DCUN1D5: variants seen among roughly 807,000 people sequenced by gnomAD.
The protein encoded by DCUN1D5 is defective in cullin neddylation 1 domain containing 5.
DCUN1D5 carries 10 observed loss-of-function variants against 38.3 expected under a neutral mutation model. That is an observed-to-expected ratio of 0.26 (90% CI 0.16 to 0.44). The LOEUF (loss-of-function observed/expected upper bound fraction) is 0.44. Ranked by LOEUF, DCUN1D5 falls within the 20% of genes least tolerant of loss-of-function variation. The pLI is 1.00. For synonymous variants in DCUN1D5, 93 were observed against 90.9 expected (o/e 1.02, Z -0.13); for missense variants, 148 against 275.3 (o/e 0.54, Z 3.27).
intron 4 of DCUN1D5, among the ~76,000 whole-genome samples, chr11:103,081,974 A>T (rs997984393): frequency 2.6e-5 from 4 of 152,254 alleles, no homozygotes; most frequent in Admixed American, 6.5e-5. Context: ...CAGCTAATTA[A>T]GCCCCAGTTT....
chr11:103,087,722 A>G lies in DCUN1D5; in HGVS notation c.178+1505T>C, dbSNP rs1267527742. Among the ~76,000 whole-genome samples the G allele has an allele frequency of 6.6e-6, 1 of 152,206 alleles. No individual in the cohort carries two copies. On this transcript the variant is annotated intron_variant, in intron 2 of 7. Transcript: ENST00000260247. The surrounding 1 kb of genome is among the most constrained non-coding windows in gnomAD (Gnocchi z 4.1). Reference sequence around the variant, plus strand: ...TAGAACAGTCACAAGAAAAAATAATATACCTGGGACAATTCCTGGAATAAT... The same window carrying G: ...TAGAACAGTCACAAGAAAAAATAATGTACCTGGGACAATTCCTGGAATAAT...
chr11:103,089,116 G>A, intron 2 of DCUN1D5, 111 bp downstream of exon 2: 1 of 1,080,816 alleles, frequency 9.3e-7, no homozygotes, highest in South Asian at 1.7e-5. Flanking sequence ...CCTCATCCCA[G>A]TACACAGCAC....
At position 103,050,791 on chromosome 11, in the gene DCUN1D5, C is replaced by T. The variant is rs1359158860; in HGVS notation, c.*11568G>A. 1 of 152,064 alleles carries T rather than the reference C, an allele frequency of 6.6e-6. No individual in the cohort carries two copies. The highest frequency in any genetic ancestry group is 1.5e-5 in the Non-Finnish European group (1 of 67,992). 9.4% of individuals were successfully genotyped at this position (152,064 alleles called of 1,614,324 possible). Reference sequence around the variant, plus strand: ...GTTCTGAGTACTGGTGAAATAAAAGCAAAAACACACAGTCCCTGCTCTCAA... The same window carrying T: ...GTTCTGAGTACTGGTGAAATAAAAGTAAAAACACACAGTCCCTGCTCTCAA... On this transcript the variant is annotated 3_prime_UTR_variant, in exon 8 of 8. Coordinates refer to ENST00000260247, the MANE Select transcript of DCUN1D5 (RefSeq NM_032299.4).
At chr11:103,075,808 T>A (rs1276069334) in intron 4 of DCUN1D5, among the ~76,000 whole-genome samples, 1 of 152,232 alleles carries the variant, frequency 6.6e-6, no homozygotes, top group Non-Finnish European at 1.5e-5. Context: ...TCCTTATATA[T>A]GAATGAATGC....
rs1220855501 is a variant in DCUN1D5, at chr11:103,061,549, T to C, written c.*810A>G. Among the ~76,000 whole-genome samples the C allele has an allele frequency of 1.3e-5, 2 of 150,810 alleles. No homozygotes were observed. Among genetic ancestry groups the C allele is most frequent in the Non-Finnish European group, 2.9e-5 (2 of 67,842 alleles). On this transcript the variant is annotated 3_prime_UTR_variant, in exon 8 of 8. Transcript: ENST00000260247. ...TCCTTATTCTATTGTCTTCTTTTCC[T>C]ATGTGTATCTTAATTAAATCCATAT... is the stretch of plus-strand genomic sequence containing the variant.
rs1213721842 is a variant in DCUN1D5 at position 103,053,086 on chromosome 11, A to G, written c.*9273T>C. ...TACTTAATTAAAAAAAAACTGATTT[A>G]AGAGACTCAATGTAATAAGACATCA... On this transcript the variant is annotated 3_prime_UTR_variant, in exon 8 of 8. Coordinates refer to ENST00000260247, the MANE Select transcript of DCUN1D5 (RefSeq NM_032299.4). This position sits in a 1 kb window ranked among gnomAD's most constrained non-coding sequence, Gnocchi z 4.8. 1 of 152,104 alleles carries G rather than the reference A, an allele frequency of 6.6e-6. No individual in the cohort carries two copies. The highest frequency in any genetic ancestry group is 1.5e-5 in the Non-Finnish European group (1 of 67,982). 9.4% of individuals were successfully genotyped at this position (152,104 alleles called of 1,614,324 possible).
chr11:103,071,099 T>A lies in DCUN1D5; in HGVS notation c.342-4532A>T, dbSNP rs1490716990. The stretch of plus-strand genomic sequence containing the variant: ...AATTTATAGTGCTAAATACACACAT[T>A]AGAAAAAAGAAAAAGCCTTAATCAA... On this transcript the variant is annotated intron_variant, in intron 4 of 7. Transcript: ENST00000260247. This position sits in a 1 kb window ranked among gnomAD's most constrained non-coding sequence, Gnocchi z 4.1. Among the ~76,000 whole-genome samples, 1 of 151,822 alleles carries A rather than the reference T, an allele frequency of 6.6e-6. No individual in the cohort carries two copies. The highest frequency in any genetic ancestry group is 1.5e-5 in the Non-Finnish European group (1 of 67,932).
rs868491643 is a variant in DCUN1D5 at position 103,086,059 on chromosome 11, G to C, written c.179-2733C>G. Among the ~76,000 whole-genome samples the C allele has an allele frequency of 2.0e-5, 3 of 151,968 alleles. No individual in the cohort carries two copies. The highest frequency in any genetic ancestry group is 4.4e-5 in the Non-Finnish European group (3 of 68,002). On this transcript the variant is annotated intron_variant, in intron 2 of 7. Coordinates refer to ENST00000260247, the MANE Select transcript of DCUN1D5 (RefSeq NM_032299.4). This position sits in a 1 kb window ranked among gnomAD's most constrained non-coding sequence, Gnocchi z 4.1. The stretch of plus-strand genomic sequence containing the variant: ...ATAATACCATAGTAACAAGTTTAGT[G>C]ATATTTTCAAAACTAAAAGAAAAAC...
rs1390094984 is a variant in DCUN1D5, at chr11:103,061,759, CTGAGA to C, written c.*595_*599del. 2.0e-5 allele frequency among the ~76,000 whole-genome samples: 3 copies of C among 152,024 alleles called. No homozygotes were observed. Among genetic ancestry groups the C allele is most frequent in the Non-Finnish European group, 2.9e-5 (2 of 67,964 alleles). On this transcript the variant is annotated 3_prime_UTR_variant, in exon 8 of 8. Transcript: ENST00000260247. Reference sequence around the variant, plus strand: ...CATAATCTTTCCAATTCTAAGCTCTCTGAGATAAGACATCTGCATAAGACCTTGGC... The same window carrying C: ...CATAATCTTTCCAATTCTAAGCTCTCTAAGACATCTGCATAAGACCTTGGC...
In DCUN1D5 at chr11:103,059,358, G is replaced by A. The variant is rs1269787395; in HGVS notation, c.*3001C>T. On this transcript the variant is annotated 3_prime_UTR_variant, in exon 8 of 8. Coordinates refer to ENST00000260247, the MANE Select transcript of DCUN1D5 (RefSeq NM_032299.4). ...GAATTTACTCCCACCCCGACCCCGA[G>A]TGATGGCATTCAATATTAAGATATA... Among the ~76,000 whole-genome samples the A allele has an allele frequency of 6.6e-6, 1 of 151,916 alleles. No individual in the cohort carries two copies. Among genetic ancestry groups the A allele is most frequent in the Non-Finnish European group, 1.5e-5 (1 of 67,990 alleles).
rs992639921 is a variant in DCUN1D5, at chr11:103,060,401, G to T, written c.*1958C>A. 6.6e-6 allele frequency among the ~76,000 whole-genome samples: 1 copy of T among 152,054 alleles called. No homozygotes were observed. Among genetic ancestry groups the T allele is most frequent in the East Asian group, 1.9e-4 (1 of 5,190 alleles). On this transcript the variant is annotated 3_prime_UTR_variant, in exon 8 of 8. Transcript: ENST00000260247. ...TTGAACTGTGTGGGTCTGCTTATACGCAGATTTTTTTAAACCAAACATGGA... is the reference window on the plus strand; with the variant it reads ...TTGAACTGTGTGGGTCTGCTTATACTCAGATTTTTTTAAACCAAACATGGA...
At chr11:103,067,171 C>T (rs529970702) in intron 4 of DCUN1D5, among the ~76,000 whole-genome samples, 22 of 152,168 alleles carry the variant, frequency 1.4e-4, no homozygotes, top group Admixed American at 9.8e-4. Flanking sequence ...ACAAGTCATA[C>T]GTGTTATTTT....
At chr11:103,076,231 TTAAA>T (rs1448614181) in intron 4 of DCUN1D5, among the ~76,000 whole-genome samples, 1 of 152,164 alleles carries the variant, frequency 6.6e-6, no homozygotes, top group Non-Finnish European at 1.5e-5. Flanking sequence ...AAAATATTTG[TTAAA>T]TAAAAGTGTG....
intron 1 of DCUN1D5, among the ~76,000 whole-genome samples, chr11:103,089,849 A>G (rs1237167141): frequency 6.6e-6 from 1 of 152,160 alleles, no homozygotes; most frequent in Non-Finnish European, 1.5e-5. Flanking sequence ...CACAGATTTA[A>G]AAAAAACAAC....
chr11:103,085,244 C>G (rs948662481), intron 2 of DCUN1D5, among the ~76,000 whole-genome samples: 12 of 152,114 alleles, frequency 7.9e-5, no homozygotes, highest in African/African-American at 2.7e-4. Flanking sequence ...TCAAGACCAG[C>G]CTGGCCAAGA....
In DCUN1D5 at chr11:103,064,156, A is replaced by G; in HGVS notation, c.658+119T>C. The G allele has an allele frequency of 1.5e-6, 1 of 676,134 alleles. No individual in the cohort carries two copies. Among genetic ancestry groups the G allele is most frequent in the South Asian group, 1.9e-5 (1 of 51,744 alleles). The allele number at this position is 676,134 out of a possible 1,614,324, so 41.9% of individuals were successfully genotyped here. ...TACTTCTCCCACAATCCCTCACACA[A>G]TTAAATAAGTTACTATTACAAAGTT... is the stretch of plus-strand genomic sequence containing the variant. On this transcript the variant is annotated intron_variant, in intron 7 of 7. Transcript: ENST00000260247. This position sits in a 1 kb window ranked among gnomAD's most constrained non-coding sequence, Gnocchi z 4.5.
chr11:103,084,670 T>C (rs1169789338), intron 2 of DCUN1D5, among the ~76,000 whole-genome samples: 2 of 152,120 alleles, frequency 1.3e-5, no homozygotes, highest in Admixed American at 6.6e-5. Context: ...TTATATATGA[T>C]TGAAAGAAAA....
At chr11:103,067,594 C>A (rs1455661728) in intron 4 of DCUN1D5, among the ~76,000 whole-genome samples, 1 of 152,196 alleles carries the variant, frequency 6.6e-6, no homozygotes, top group African/African-American at 2.4e-5. Context: ...ACATGCTCTC[C>A]AGCCACCTGG....
rs113680404 is a variant in DCUN1D5 at position 103,060,640 on chromosome 11, G to A, written c.*1719C>T. 7.2e-5 allele frequency among the ~76,000 whole-genome samples: 11 copies of A among 152,182 alleles called. 1 individual carries two copies. Among genetic ancestry groups the A allele is most frequent in the Middle Eastern group, 3.4e-3 (1 of 292 alleles). On this transcript the variant is annotated 3_prime_UTR_variant, in exon 8 of 8. Coordinates refer to ENST00000260247, the MANE Select transcript of DCUN1D5 (RefSeq NM_032299.4). Reference sequence around the variant, plus strand: ...AAAACATGTCATCTATAAGCTTTAAGTGTTCCCTATTTTACTCAAATACTG... The same window carrying A: ...AAAACATGTCATCTATAAGCTTTAAATGTTCCCTATTTTACTCAAATACTG...
Sources: gnomAD v4.1 joint callset for allele counts (sites outside exome capture counted in the v4.1 genomes callset) on GRCh38, gnomAD v4.1.1 for gene constraint, Gnocchi (gnomAD v3.1) non-coding constraint, MANE v1.5 for transcripts, NCBI Gene and HGNC (gene_info 2026-07-23, HGNC 2026-07-21) for gene names.